Variants in BSCL2 observed in about 807,000 individuals in gnomAD.
BSCL2 encodes the protein seipin.
A neutral mutation model predicts 57.4 loss-of-function variants in BSCL2; 41 were observed. The ratio of observed to expected loss-of-function variants is 0.71; its 90% confidence interval spans 0.56 to 0.93. The LOEUF is 0.93. BSCL2 is among the 40% of genes least tolerant of loss of function. The pLI is 0.00. For synonymous variants in BSCL2, 237 were observed against 227.3 expected, an observed-to-expected ratio of 1.04 and a Z score of -0.38; for missense variants, 539 against 586.7, an observed-to-expected ratio of 0.92 and a Z score of 0.84.
chr11:62,705,728 A>T (rs2083519482), intron 1 of BSCL2, 111 bp from the exon 2 acceptor site: 3 of 1,034,022 alleles, frequency 2.9e-6, no homozygotes, highest in Middle Eastern at 6.4e-4. Flanking sequence ...TAGCAAAGTC[A>T]TTGTTTCATA....
chr11:62,696,661 G>T (rs936878070), intron 3 of BSCL2, among the ~76,000 whole-genome samples: 3 of 151,934 alleles, frequency 2.0e-5, no homozygotes, highest in African/African-American at 4.8e-5. Flanking sequence ...GGGCTCAGTT[G>T]ATCTTCCTGT....
At chr11:62,692,519 G>A (rs1264997940) in intron 5 of BSCL2, 46 bp from the exon 6 acceptor site, 18 of 1,609,686 alleles carry the variant, frequency 1.1e-5, no homozygotes, top group African/African-American at 2.7e-5. Context: ...GGGTCCTGCC[G>A]CTAGCACTCT....
intron 3 of BSCL2, among the ~76,000 whole-genome samples, chr11:62,697,122 C>T (rs7107423): frequency 0.037 from 5,590 of 151,994 alleles, 339 homozygotes; most frequent in African/African-American, 0.13. Context: ...CGGCCGGGCG[C>T]GGTGGCTCAT....
intron 4 of BSCL2, among the ~76,000 whole-genome samples, chr11:62,693,563 T>C (rs917145719): frequency 1.3e-5 from 2 of 152,186 alleles, no homozygotes; most frequent in African/African-American, 4.8e-5. Flanking sequence ...CATTTCCCCA[T>C]TGAATCCAAA....
intron 2 of BSCL2, among the ~76,000 whole-genome samples, chr11:62,704,820 ACT>A (rs1436821030): frequency 1.3e-5 from 2 of 152,012 alleles, no homozygotes; most frequent in Non-Finnish European, 1.5e-5. Context: ...AAGACGCAAG[ACT>A]CTCTGGGAAG....
chr11:62,691,181 CCTCA>C, intron 7 of BSCL2, 40 bp from the exon 8 acceptor site: 6 of 1,613,938 alleles, frequency 3.7e-6, no homozygotes, highest in South Asian at 2.2e-5. Flanking sequence ...GACTGACTTC[CCTCA>C]CTAACAATCA....
chr11:62,704,142 A>G (rs1032458871), intron 2 of BSCL2, among the ~76,000 whole-genome samples: 54 of 147,036 alleles, frequency 3.7e-4, no homozygotes, highest in Non-Finnish European at 7.5e-5. Flanking sequence ...AAAAAAAAAA[A>G]AAGAAGAAGA....
chr11:62,702,470 G>T lies in BSCL2; in HGVS notation c.484C>A (p.Arg162=). 1 of 1,611,206 alleles carries T rather than the reference G, an allele frequency of 6.2e-7. No homozygotes were observed. Among genetic ancestry groups the T allele is most frequent in the South Asian group, 1.1e-5 (1 of 90,966 alleles). ...NVSLTKGGRD[R]VLMYGQPYRV... ...CTCTCTCTAGTTCCCATACTCACCC[G>T]ATCACGTCCACCCTTAGTCAGCGAG... Residue 162 remains arginine, a splice_region_variant and synonymous_variant, in exon 3 of 11, where the codon CGG becomes AGG. Transcript: ENST00000360796.
At position 62,691,075 on chromosome 11, in the gene BSCL2, C is replaced by T; in HGVS notation, c.1072G>A (p.Gly358Arg). Reference protein sequence around the residue: ...VQRRISAHQPGPEGQEESTPQ... With the variant: ...VQRRISAHQPRPEGQEESTPQ... ...ACAGCTCCCCAGCCAACACCTTTAC[C>T]TGGCTGATGAGCAGAGATCCTTCGT... The change falls in exon 8 of 11, where the codon GGG (glycine) becomes AGG (arginine). Residue 358 changes from glycine (G) to arginine (R), a missense_variant and splice_region_variant. This residue lies in a region of BSCL2 where 248 missense variants were observed against 239.9 expected (regional missense o/e 1.03). Coordinates refer to ENST00000360796, the MANE Select transcript of BSCL2 (RefSeq NM_001122955.4). The T allele has an allele frequency of 6.2e-7, 1 of 1,614,232 alleles. No homozygotes were observed. The highest frequency in any genetic ancestry group is 8.5e-7 in the Non-Finnish European group (1 of 1,180,044).
intron 3 of BSCL2, among the ~76,000 whole-genome samples, chr11:62,700,747 G>C (rs1945613999): frequency 6.6e-6 from 1 of 152,156 alleles, no homozygotes; most frequent in Non-Finnish European, 1.5e-5. Flanking sequence ...GAGGTCAGGA[G>C]TTTTAGACCA....
rs765285330 is a variant in BSCL2 at position 62,690,883 on chromosome 11, G to A, written c.1073-16C>T. ...CCTTCAGGCCCTGCACCTCCAAAGA[G>A]GGAGAGGACAGGTTAGGGTTAGGGT... On this transcript the variant is annotated splice_polypyrimidine_tract_variant and intron_variant, in intron 8 of 10. Coordinates refer to ENST00000360796, the MANE Select transcript of BSCL2 (RefSeq NM_001122955.4). 1 of 1,612,992 alleles carries A rather than the reference G, an allele frequency of 6.2e-7. No homozygotes were observed. Among genetic ancestry groups the A allele is most frequent in the Non-Finnish European group, 8.5e-7 (1 of 1,179,642 alleles).
At chr11:62,690,919 G>A (rs1461752705) in intron 8 of BSCL2, 52 bp from the exon 9 acceptor site, 1 of 1,595,614 alleles carries the variant, frequency 6.3e-7, no homozygotes, top group Non-Finnish European at 8.6e-7. Context: ...GGCTGTGCCT[G>A]GACGGCAGTG....
Position 62,705,520 on chromosome 11 carries a change from A to G in BSCL2, c.185T>C (p.Leu62Pro). The change falls in exon 2 of 11, where the codon CTC (leucine) becomes CCC (proline). Residue 62 changes from leucine (L) to proline (P), a missense_variant. Transcript: ENST00000360796. ...RPEPGARHPA[L>P]PAMVNDPPVP... ...TGGAGGGTCGTTGACCATGGCCGGG[A>G]GAGCAGGGTGTCTGGCCCCAGGTTC... 1 of 1,613,522 alleles carries G rather than the reference A, an allele frequency of 6.2e-7. No homozygotes were observed. The highest frequency in any genetic ancestry group is 8.5e-7 in the Non-Finnish European group (1 of 1,179,556).
Position 62,702,476 on chromosome 11 carries a change from G to T in BSCL2, c.478C>A (p.Arg160Ser), listed in dbSNP as rs772536764. 12 of 1,611,914 alleles carry T rather than the reference G, an allele frequency of 7.4e-6. No homozygotes were observed. The highest frequency in any genetic ancestry group is 1.1e-5 in the South Asian group (1 of 91,006). ...VANVSLTKGG[R>S]DRVLMYGQPY... ...CTAGTTCCCATACTCACCCGATCAC[G>T]TCCACCCTTAGTCAGCGAGACATTG... is the stretch of plus-strand genomic sequence containing the variant. The change falls in exon 3 of 11, where the codon CGT (arginine) becomes AGT (serine). Residue 160 changes from arginine to serine, a missense_variant. Physicochemically the swap from Arg to Ser is moderately radical, Grantham distance 110. This residue lies in a region of BSCL2 where 218 missense variants were observed against 224.8 expected (regional missense o/e 0.97). Coordinates refer to ENST00000360796, the MANE Select transcript of BSCL2 (RefSeq NM_001122955.4).
rs748453195 is a variant in BSCL2, at chr11:62,690,593, G to A, written c.1234+19C>T. The A allele has an allele frequency of 5.0e-6, 8 of 1,613,830 alleles. No homozygotes were observed. The East Asian group carries it at 6.7e-5, about 13-fold the overall frequency. On this transcript the variant is annotated intron_variant, in intron 10 of 10. Transcript: ENST00000360796. ...TAACCGGGGGCCCCACCCAGGTCACGCTGCAGGATGCCCCTCACCATCACT... is the reference window on the plus strand; with the variant it reads ...TAACCGGGGGCCCCACCCAGGTCACACTGCAGGATGCCCCTCACCATCACT...
chr11:62,708,582 G>T, upstream of BSCL2: 1 of 1,542,418 alleles, frequency 6.5e-7, no homozygotes, highest in Non-Finnish European at 8.8e-7. Flanking sequence ...GTCGTAAGGA[G>T]CCCTGGAGAT....
rs144774892 is a variant in BSCL2 at position 62,702,522 on chromosome 11, T to A, written c.432A>T (p.Ser144=). ...YRTDCDSSTT[S]LCSFPVANVS... ...CATTGGCAACAGGGAAGGAGCAGAG[T>A]GAGGTGGTGGAGGAATCACAGTCGG... is the stretch of plus-strand genomic sequence containing the variant. Residue 144 remains serine, a synonymous_variant, in exon 3 of 11, where the codon TCA becomes TCT. Transcript: ENST00000360796. 1.9e-5 allele frequency: 31 copies of A among 1,612,612 alleles called. No homozygotes were observed. In the African/African-American group the frequency reaches 3.7e-4, roughly 19 times the overall value.
chr11:62,696,996 C>T (rs1452860062), intron 3 of BSCL2, among the ~76,000 whole-genome samples: 1 of 151,608 alleles, frequency 6.6e-6, no homozygotes, highest in African/African-American at 2.4e-5. Context: ...TATGATTGGG[C>T]CACTGCACTC....
chr11:62,690,742 A>T, intron 9 of BSCL2, 45 bp downstream of exon 9: 1 of 1,613,764 alleles, frequency 6.2e-7, no homozygotes, highest in Non-Finnish European at 8.5e-7. Context: ...CTGAAGGAGA[A>T]AGCCAAGGAG....
Sources: allele counts gnomAD v4.1 joint callset (sites outside exome capture counted in the v4.1 genomes callset), GRCh38; gene constraint gnomAD v4.1.1; regional missense constraint gnomAD v4.1.1; transcripts MANE v1.5; gene names NCBI Gene and HGNC (gene_info 2026-07-23, HGNC 2026-07-21).